The following SULF1 variants were observed in gnomAD, a reference collection of about 807,000 sequenced individuals.
The protein encoded by SULF1 is extracellular sulfatase Sulf-1.
Under a neutral mutation model 110.5 loss-of-function variants are expected in SULF1, and 46 were observed. The ratio of observed to expected loss-of-function variants is 0.42; its 90% CI spans 0.33 to 0.53. SULF1 has a LOEUF of 0.53. SULF1 is among the 20% of genes least tolerant of loss of function. The pLI, the probability that SULF1 is intolerant of heterozygous loss-of-function variation, is 0.12. For synonymous variants in SULF1, 371 were observed against 387.1 expected, an observed-to-expected ratio of 0.96 and a Z score of 0.49; for missense variants, 941 against 1,094.2, an observed-to-expected ratio of 0.86 and a Z score of 1.98.
intron 18 of SULF1, among the ~76,000 whole-genome samples, chr8:69,629,280 C>T (rs1810339732): frequency 6.6e-6 from 1 of 152,170 alleles, no homozygotes; most frequent in African/African-American, 2.4e-5. Flanking sequence ...GTGATCCGCC[C>T]ACCTTAGCCT....
At chr8:69,483,220 G>A (rs1440294843) in intron 1 of SULF1, among the ~76,000 whole-genome samples, 2 of 152,102 alleles carry the variant, frequency 1.3e-5, no homozygotes, top group African/African-American at 2.4e-5. Context: ...ACAATCATAC[G>A]TTTTGCCAGT....
At chr8:69,537,709 G>A (rs1471224803) in intron 3 of SULF1, among the ~76,000 whole-genome samples, 1 of 152,170 alleles carries the variant, frequency 6.6e-6, no homozygotes, top group South Asian at 2.1e-4. Context: ...GGGACACTGA[G>A]GCTAATATCT....
At chr8:69,499,142 A>G (rs897569691) in intron 2 of SULF1, among the ~76,000 whole-genome samples, 2 of 152,220 alleles carry the variant, frequency 1.3e-5, no homozygotes, top group Non-Finnish European at 2.9e-5. Flanking sequence ...TACAGGCATG[A>G]GCCACTGCAA....
intron 3 of SULF1, among the ~76,000 whole-genome samples, chr8:69,525,632 G>A (rs1384161627): frequency 6.6e-6 from 1 of 152,112 alleles, no homozygotes; most frequent in Non-Finnish European, 1.5e-5. Flanking sequence ...AACCTCCCAG[G>A]CACCTAACTC....
intron 13 of SULF1, among the ~76,000 whole-genome samples, chr8:69,608,551 G>C (rs1808402328): frequency 1.3e-5 from 2 of 152,116 alleles, no homozygotes; most frequent in African/African-American, 2.4e-5. Context: ...CAGGCGTGGT[G>C]GTGGGCACCT....
intron 19 of SULF1, among the ~76,000 whole-genome samples, chr8:69,633,828 G>A (rs1416980592): frequency 6.6e-6 from 1 of 151,978 alleles, no homozygotes; most frequent in Non-Finnish European, 1.5e-5. Flanking sequence ...CATCTCTATT[G>A]AAATTACACT....
At chr8:69,627,941 AT>A in intron 17 of SULF1, 75 bp downstream of exon 17, 2 of 1,122,762 alleles carry the variant, frequency 1.8e-6, no homozygotes, top group South Asian at 1.4e-5. Flanking sequence ...CACTGGGCTC[AT>A]TTTTCTCTCT....
intron 1 of SULF1, among the ~76,000 whole-genome samples, chr8:69,481,360 T>C (rs1809515448): frequency 6.6e-6 from 1 of 152,210 alleles, no homozygotes; most frequent in Non-Finnish European, 1.5e-5. Flanking sequence ...ATCTAAACTT[T>C]ATAATAGTGA....
chr8:69,561,121 T>C (rs766522707), intron 3 of SULF1, among the ~76,000 whole-genome samples: 2 of 152,178 alleles, frequency 1.3e-5, no homozygotes, highest in Non-Finnish European at 2.9e-5. Context: ...GAATAGATTC[T>C]TAAATGTTAT....
intron 19 of SULF1, among the ~76,000 whole-genome samples, chr8:69,635,307 A>G (rs1454659874): frequency 1.3e-5 from 2 of 152,234 alleles, no homozygotes; most frequent in African/African-American, 4.8e-5. Flanking sequence ...ACTTTGAGTG[A>G]CAATGATGTC....
chr8:69,562,400 C>G (rs1232508592), intron 3 of SULF1, among the ~76,000 whole-genome samples: 1 of 152,200 alleles, frequency 6.6e-6, no homozygotes, highest in Admixed American at 6.5e-5. Context: ...GTTATGCCTA[C>G]TTATCCAATG....
At chr8:69,571,372 T>C (rs182541106) in intron 5 of SULF1, among the ~76,000 whole-genome samples, 25 of 152,192 alleles carry the variant, frequency 1.6e-4, no homozygotes, top group Non-Finnish European at 1.3e-4. Context: ...GAAGCTCCAT[T>C]TTACAGATGA....
At chr8:69,584,821 A>C (rs1806329486) in intron 6 of SULF1, among the ~76,000 whole-genome samples, 1 of 152,222 alleles carries the variant, frequency 6.6e-6, no homozygotes, top group African/African-American at 2.4e-5. Context: ...TAGGTCAGGG[A>C]CCATCTGTAG....
chr8:69,568,949 A>G (rs986699974), intron 5 of SULF1, among the ~76,000 whole-genome samples: 1 of 152,202 alleles, frequency 6.6e-6, no homozygotes, highest in Non-Finnish European at 1.5e-5. Flanking sequence ...GTTACACCCT[A>G]CACTTGAAAT....
rs368655447 is a variant in SULF1 at position 69,644,591 on chromosome 8, C to A, written c.2585+3750C>A. On this transcript the variant is annotated intron_variant, in intron 22 of 22. Transcript: ENST00000402687. ...GAGATCGAGACCATCCTGGCTAACA[C>A]GGTGAAACCCCGTCTGTACTAAAAA... Among the ~76,000 whole-genome samples, 6 of 151,436 alleles carry A rather than the reference C, an allele frequency of 4.0e-5. No homozygotes were observed. The East Asian group carries it at 9.7e-4, about 25-fold the overall frequency.
chr8:69,469,679 A>G (rs1809002788), intron 1 of SULF1, among the ~76,000 whole-genome samples: 1 of 152,226 alleles, frequency 6.6e-6, no homozygotes, highest in Admixed American at 6.5e-5. Context: ...TTCCCTAATT[A>G]TGTATCCATA....
chr8:69,550,071 C>T (rs1215769791), intron 3 of SULF1, among the ~76,000 whole-genome samples: 1 of 151,342 alleles, frequency 6.6e-6, no homozygotes, highest in Non-Finnish European at 1.5e-5. Context: ...ATTTTTGCCC[C>T]CCAAAATTTC....
At chr8:69,645,000 C>T (rs939618601) in intron 22 of SULF1, among the ~76,000 whole-genome samples, 4 of 151,984 alleles carry the variant, frequency 2.6e-5, no homozygotes, top group South Asian at 4.2e-4. Context: ...GGAGCAGGGG[C>T]AGGGTTTGGG....
At chr8:69,583,668 A>G in intron 6 of SULF1, among the ~76,000 whole-genome samples, 1 of 152,220 alleles carries the variant, frequency 6.6e-6, no homozygotes, top group Non-Finnish European at 1.5e-5. Flanking sequence ...ATGAACCCAA[A>G]TTCAAGAAAC....
Sources: gnomAD v4.1 joint callset for allele counts (sites outside exome capture counted in the v4.1 genomes callset) on GRCh38, gnomAD v4.1.1 for gene constraint, MANE v1.5 for transcripts, NCBI Gene and HGNC (gene_info 2026-07-23, HGNC 2026-07-21) for gene names.